The following KIAA0825 variants were observed in gnomAD, a reference collection of about 807,000 sequenced individuals.
The protein encoded by KIAA0825 is uncharacterized protein KIAA0825.
In KIAA0825, 119 loss-of-function variants were observed where a neutral mutation model predicts 147.6. The ratio of observed to expected loss-of-function variants is 0.81; its 90% CI spans 0.69 to 0.94. KIAA0825 has a LOEUF of 0.94. KIAA0825 is among the 40% of genes least tolerant of loss of function. KIAA0825 has a pLI of 0.00. For missense variants in KIAA0825, 1,381 were observed against 1,472.7 expected (o/e 0.94, Z 1.02); for synonymous variants, 470 against 518.1 (o/e 0.91, Z 1.26).
Position 94,462,280 on chromosome 5 carries a change from G to A in KIAA0825, c.2246+107C>T, listed in dbSNP as rs1393495312. The stretch of plus-strand genomic sequence containing the variant: ...TTCACAGTATCAAAAATGCACTTCA[G>A]AAGATTTCTACTTGTAACTTCACAT... On this transcript the variant is annotated intron_variant, in intron 12 of 20. Coordinates refer to ENST00000682413, the MANE Select transcript of KIAA0825 (RefSeq NM_001145678.3). The A allele has an allele frequency of 1.7e-5, 11 of 644,804 alleles. No homozygotes were observed. The Admixed American group carries it at 3.0e-4, about 18-fold the overall frequency. The allele number at this position is 644,804 out of a possible 1,614,324, so 39.9% of individuals were successfully genotyped here. A position where few individuals can be genotyped will look rare whatever the true frequency, so the allele number is the denominator to read the frequency against.
intron 20 of KIAA0825, among the ~76,000 whole-genome samples, chr5:94,174,666 C>T (rs1035348862): frequency 6.6e-6 from 1 of 152,064 alleles, no homozygotes; most frequent in Non-Finnish European, 1.5e-5. Flanking sequence ...AGAGGTCAAA[C>T]AACATCTGAA....
chr5:94,379,844 C>CTTTTTT lies in KIAA0825; in HGVS notation c.3710+4518_3710+4523dup, dbSNP rs59886046. Among the ~76,000 whole-genome samples the CTTTTTT allele has an allele frequency of 1.4e-4, 8 of 55,722 alleles. 1 individual carries two copies. Among genetic ancestry groups the CTTTTTT allele is most frequent in the African/African-American group, 3.5e-4 (4 of 11,394 alleles). 36.6% of individuals were successfully genotyped at this position (55,722 alleles called of 152,430 possible). ...TAGCTGTATTCCTAGGTATTTTATT[C>CTTTTTT]TTTTTTTTTTTTTTTTTTTTTTTTT... On this transcript the variant is annotated intron_variant, in intron 20 of 20. Transcript: ENST00000682413.
chr5:94,462,182 A>T (rs993938168), intron 12 of KIAA0825, among the ~76,000 whole-genome samples: 3 of 151,846 alleles, frequency 2.0e-5, no homozygotes, highest in Non-Finnish European at 3.0e-5. Context: ...AACATAACAC[A>T]TTTTCGGGCA....
In KIAA0825 at chr5:94,545,726, T is replaced by C. The variant is rs567575543; in HGVS notation, c.-1-8599A>G. On this transcript the variant is annotated intron_variant, in intron 2 of 20. Coordinates refer to ENST00000682413, the MANE Select transcript of KIAA0825 (RefSeq NM_001145678.3). ...TAACAACGCTATCCAGGTAGTATAC[T>C]GTGGGCCTCAGGTGAGATTCTTAGA... Among the ~76,000 whole-genome samples, 47 of 152,330 alleles carry C rather than the reference T, an allele frequency of 3.1e-4. 1 individual carries two copies. Among genetic ancestry groups the C allele is most frequent in the Middle Eastern group, 3.4e-3 (1 of 294 alleles).
chr5:94,591,244 A>G (rs1023635115), intron 1 of KIAA0825, among the ~76,000 whole-genome samples: 3 of 152,230 alleles, frequency 2.0e-5, no homozygotes, highest in Admixed American at 2.0e-4. Context: ...TAAAAGAATG[A>G]CCTGATATCC....
chr5:94,440,117 G>A lies in KIAA0825; in HGVS notation c.2362C>T (p.Pro788Ser). 6.4e-7 allele frequency: 1 copy of A among 1,550,492 alleles called. No homozygotes were observed. The highest frequency in any genetic ancestry group is 8.7e-7 in the Non-Finnish European group (1 of 1,146,502). The change falls in exon 14 of 21, where the codon CCA (proline) becomes TCA (serine). Residue 788 changes from proline to serine, a missense_variant. Coordinates refer to ENST00000682413, the MANE Select transcript of KIAA0825 (RefSeq NM_001145678.3). ...TCGGCTTTCAGTCCTCCAGCTGATG[G>A]AGTCCTTTCAAAATGCAAGATAAAG... ...SHFYPSLLRT[P>S]SAGGLKAEGQ... is the part of the protein sequence containing the mutation.
At chr5:94,196,725 T>A (rs961838542) in intron 20 of KIAA0825, among the ~76,000 whole-genome samples, 1 of 152,220 alleles carries the variant, frequency 6.6e-6, no homozygotes, top group Non-Finnish European at 1.5e-5. Flanking sequence ...CAGTATTTGG[T>A]TTTTTGTTCC....
intron 13 of KIAA0825, among the ~76,000 whole-genome samples, chr5:94,442,202 G>A (rs777372691): frequency 6.6e-5 from 10 of 152,132 alleles, no homozygotes; most frequent in Non-Finnish European, 1.0e-4. Flanking sequence ...AAAAAGTCTC[G>A]AAGCACCTCC....
intron 20 of KIAA0825, among the ~76,000 whole-genome samples, chr5:94,332,010 A>G (rs561850194): frequency 2.0e-4 from 31 of 151,826 alleles, no homozygotes; most frequent in Non-Finnish European, 4.3e-4. Context: ...AAAAATACAA[A>G]AATTACCCAG....
chr5:94,234,279 G>A (rs1012189935), intron 20 of KIAA0825, among the ~76,000 whole-genome samples: 1 of 151,864 alleles, frequency 6.6e-6, no homozygotes, highest in African/African-American at 2.4e-5. Context: ...GCTGAGGCAG[G>A]AGAATGGCGT....
chr5:94,485,460 A>G (rs1199734042), intron 5 of KIAA0825, among the ~76,000 whole-genome samples: 1 of 151,848 alleles, frequency 6.6e-6, no homozygotes, highest in African/African-American at 2.4e-5. Flanking sequence ...GTGAAATCTG[A>G]CTGAAGTCTA....
intron 2 of KIAA0825, among the ~76,000 whole-genome samples, chr5:94,576,554 C>A (rs1325941074): frequency 6.6e-6 from 1 of 152,192 alleles, no homozygotes; most frequent in Non-Finnish European, 1.5e-5. Context: ...AGAGTCCCCA[C>A]AAACAAGAAG....
intron 20 of KIAA0825, among the ~76,000 whole-genome samples, chr5:94,156,835 C>T (rs1767069257): frequency 1.3e-5 from 2 of 152,104 alleles, no homozygotes; most frequent in African/African-American, 4.8e-5. Context: ...TAGTTTTACT[C>T]ATATTGAATG....
At chr5:94,239,170 T>G (rs757900449) in intron 20 of KIAA0825, among the ~76,000 whole-genome samples, 2 of 152,188 alleles carry the variant, frequency 1.3e-5, no homozygotes, top group Admixed American at 6.5e-5. Context: ...AACTTTCATT[T>G]TGTAATACTG....
At chr5:94,421,980 T>C (rs1447379361) in intron 14 of KIAA0825, among the ~76,000 whole-genome samples, 2 of 152,172 alleles carry the variant, frequency 1.3e-5, no homozygotes, top group African/African-American at 4.8e-5. Flanking sequence ...TCTTACACTA[T>C]TGGGATATTC....
At position 94,152,639 on chromosome 5, in the gene KIAA0825, T is replaced by A. The variant is rs145346072; in HGVS notation, c.*1368A>T. On this transcript the variant is annotated 3_prime_UTR_variant, in exon 21 of 21. Transcript: ENST00000682413. ...CCAGCCTGGGCAACATAGTGAGACC[T>A]CATCTTTACAAAAAAATTAAAAAAA... 6.7e-6 allele frequency among the ~76,000 whole-genome samples: 1 copy of A among 149,546 alleles called. No individual in the cohort carries two copies. Among genetic ancestry groups the A allele is most frequent in the African/African-American group, 2.5e-5 (1 of 40,638 alleles).
chr5:94,405,934 T>A (rs1751999403), intron 15 of KIAA0825, among the ~76,000 whole-genome samples: 1 of 152,110 alleles, frequency 6.6e-6, no homozygotes, highest in African/African-American at 2.4e-5. Context: ...ATTTTTATTT[T>A]TATTTTTTTT....
chr5:94,156,714 CACA>C (rs1484386929), intron 20 of KIAA0825, among the ~76,000 whole-genome samples: 1 of 151,918 alleles, frequency 6.6e-6, no homozygotes, highest in African/African-American at 2.4e-5. Flanking sequence ...ATTTACCTAC[CACA>C]ACTTTATTAT....
At chr5:94,583,519 C>T (rs967360337) in intron 1 of KIAA0825, among the ~76,000 whole-genome samples, 1 of 152,160 alleles carries the variant, frequency 6.6e-6, no homozygotes, top group African/African-American at 2.4e-5. Context: ...CAAAGTGGCC[C>T]AGAAGCTCGA....
Sources: allele counts gnomAD v4.1 joint callset (sites outside exome capture counted in the v4.1 genomes callset), GRCh38; gene constraint gnomAD v4.1.1; transcripts MANE v1.5; gene names NCBI Gene and HGNC (gene_info 2026-07-23, HGNC 2026-07-21).